CCSER1: variants seen among roughly 807,000 people sequenced by gnomAD.
CCSER1 encodes the protein serine-rich coiled-coil domain-containing protein 1.
CCSER1 carries 41 observed loss-of-function variants against 82.0 expected under a neutral mutation model. That is an observed-to-expected ratio of 0.50 (90% CI 0.39 to 0.65). CCSER1 has a LOEUF of 0.65. Ranked by LOEUF, CCSER1 falls within the 30% of genes least tolerant of loss-of-function variation. CCSER1 has a pLI of 0.00. For synonymous variants in CCSER1, 414 were observed against 383.9 expected (o/e 1.08, Z -0.92); for missense variants, 1,119 against 1,064.2 (o/e 1.05, Z -0.72).
intron 10 of CCSER1, among the ~76,000 whole-genome samples, chr4:91,136,915 A>G (rs1195607115): frequency 6.6e-6 from 1 of 152,174 alleles, no homozygotes; most frequent in African/African-American, 2.4e-5. Flanking sequence ...ATAATATAAA[A>G]ATTTAAACTT....
At chr4:90,928,834 A>T (rs1216108605) in intron 9 of CCSER1, among the ~76,000 whole-genome samples, 1 of 152,122 alleles carries the variant, frequency 6.6e-6, no homozygotes, top group East Asian at 1.9e-4. Flanking sequence ...GAATAGCTTC[A>T]TTTACACATC....
chr4:91,596,572 T>A (rs1305730202), intron 10 of CCSER1, among the ~76,000 whole-genome samples: 1 of 152,064 alleles, frequency 6.6e-6, no homozygotes, highest in Non-Finnish European at 1.5e-5. Context: ...ACATTTCTAA[T>A]AGGTCCATAG....
At chr4:91,163,752 A>T (rs1174188351) in intron 10 of CCSER1, among the ~76,000 whole-genome samples, 1 of 149,576 alleles carries the variant, frequency 6.7e-6, no homozygotes, top group Non-Finnish European at 1.5e-5. Flanking sequence ...TAGGATTGCA[A>T]TCCCTGCTTT....
chr4:91,463,930 G>T (rs1217774239), intron 10 of CCSER1, among the ~76,000 whole-genome samples: 8 of 152,302 alleles, frequency 5.3e-5, no homozygotes, highest in South Asian at 2.1e-4. Flanking sequence ...CAAACACTCT[G>T]CAGGATATTA....
At chr4:90,730,030 A>G (rs1241741912) in intron 7 of CCSER1, among the ~76,000 whole-genome samples, 1 of 152,208 alleles carries the variant, frequency 6.6e-6, no homozygotes, top group East Asian at 1.9e-4. Flanking sequence ...CCAGTGAAGG[A>G]ATATTATTTA....
At chr4:91,177,053 C>T (rs111800918) in intron 10 of CCSER1, among the ~76,000 whole-genome samples, 1 of 152,066 alleles carries the variant, frequency 6.6e-6, no homozygotes, top group East Asian at 1.9e-4. Context: ...TGTCGAAGGC[C>T]TTTTCTGCAT....
intron 6 of CCSER1, among the ~76,000 whole-genome samples, chr4:90,686,539 G>A (rs1174719806): frequency 6.6e-6 from 1 of 151,894 alleles, no homozygotes; most frequent in Non-Finnish European, 1.5e-5. Context: ...GAACTTTAAA[G>A]CAATTTAGAT....
chr4:91,222,805 T>C lies in CCSER1; in HGVS notation c.2217+136811T>C, dbSNP rs1357680365. Among the ~76,000 whole-genome samples the C allele has an allele frequency of 2.6e-5, 4 of 152,166 alleles. No homozygotes were observed. In the East Asian group the frequency reaches 7.7e-4, roughly 29 times the overall value. On this transcript the variant is annotated intron_variant, in intron 10 of 10. Coordinates refer to ENST00000509176, the MANE Select transcript of CCSER1 (RefSeq NM_001145065.2). ...TATTGGGCACTGGAAATGTAGTTAG[T>C]ACAACTGGGAAACTGACTTTAAATG...
intron 10 of CCSER1, among the ~76,000 whole-genome samples, chr4:91,586,614 T>TTA (rs1349906695): frequency 4.6e-5 from 7 of 151,764 alleles, no homozygotes; most frequent in Non-Finnish European, 1.0e-4. Flanking sequence ...ACTTGACAAC[T>TTA]TAGAGATTTT....
At chr4:90,339,291 C>T (rs908593646) in intron 3 of CCSER1, among the ~76,000 whole-genome samples, 3 of 152,142 alleles carry the variant, frequency 2.0e-5, no homozygotes, top group East Asian at 1.9e-4. Context: ...TGCCATATGT[C>T]GGGGTGGCCT....
chr4:90,541,492 A>G (rs1403921945), intron 5 of CCSER1, among the ~76,000 whole-genome samples: 1 of 152,084 alleles, frequency 6.6e-6, no homozygotes, highest in African/African-American at 2.4e-5. Flanking sequence ...TTACTTAACA[A>G]CTATGAATGT....
At chr4:90,757,125 G>T (rs1237768750) in intron 7 of CCSER1, among the ~76,000 whole-genome samples, 2 of 152,162 alleles carry the variant, frequency 1.3e-5, no homozygotes, top group East Asian at 3.9e-4. Context: ...TTGGATAAGA[G>T]ATTCGCAAAT....
intron 9 of CCSER1, among the ~76,000 whole-genome samples, chr4:91,036,226 G>T (rs550834915): frequency 6.6e-5 from 10 of 152,184 alleles, no homozygotes; most frequent in Non-Finnish European, 1.2e-4. Flanking sequence ...GAAAAACATT[G>T]TTCATAACAA....
intron 5 of CCSER1, among the ~76,000 whole-genome samples, chr4:90,481,642 C>G (rs1187244418): frequency 1.3e-5 from 2 of 152,110 alleles, no homozygotes; most frequent in Non-Finnish European, 2.9e-5. Flanking sequence ...TGGTTTTTGT[C>G]ATTGGTTCTG....
intron 8 of CCSER1, among the ~76,000 whole-genome samples, chr4:90,921,273 C>T (rs556428164): frequency 2.1e-4 from 31 of 150,196 alleles, no homozygotes; most frequent in African/African-American, 6.7e-4. Flanking sequence ...CATATGTTTA[C>T]GGCCTTCTAT....
At chr4:91,019,476 T>C (rs1235625777) in intron 9 of CCSER1, among the ~76,000 whole-genome samples, 2 of 152,170 alleles carry the variant, frequency 1.3e-5, no homozygotes, top group Admixed American at 6.5e-5. Context: ...GAATTTTATT[T>C]GATATTGAGA....
chr4:90,777,806 C>A (rs1308445229), intron 7 of CCSER1, among the ~76,000 whole-genome samples: 1 of 152,012 alleles, frequency 6.6e-6, no homozygotes, highest in Non-Finnish European at 1.5e-5. Context: ...TAAAGCCAAA[C>A]AGTCCAACTA....
At chr4:90,574,512 C>T (rs1330056648) in intron 5 of CCSER1, among the ~76,000 whole-genome samples, 2 of 151,414 alleles carry the variant, frequency 1.3e-5, no homozygotes, top group Non-Finnish European at 2.9e-5. Context: ...TCATGATCCA[C>T]CCGCCTCGGC....
Position 90,276,605 on chromosome 4 carries a change from C to A in CCSER1, c.-41-31639C>A, listed in dbSNP as rs1274367423. 3.3e-5 allele frequency among the ~76,000 whole-genome samples: 5 copies of A among 152,130 alleles called. No homozygotes were observed. The East Asian group carries it at 7.8e-4, about 24-fold the overall frequency. The stretch of plus-strand genomic sequence containing the variant: ...AGTTGATCCACCTGCCTTGCCCACC[C>A]AAAGTGCTGGGATTATAGGCGTGAG... On this transcript the variant is annotated intron_variant, in intron 1 of 10. Coordinates refer to ENST00000509176, the MANE Select transcript of CCSER1 (RefSeq NM_001145065.2).
Sources: gnomAD v4.1 joint callset for allele counts (sites outside exome capture counted in the v4.1 genomes callset) on GRCh38, gnomAD v4.1.1 for gene constraint, MANE v1.5 for transcripts, NCBI Gene and HGNC (gene_info 2026-07-23, HGNC 2026-07-21) for gene names.